Variants in RP1 observed in about 807,000 individuals in gnomAD.
RP1 encodes the protein oxygen-regulated protein 1.
A neutral mutation model predicts 14.8 loss-of-function variants in RP1; 16 were observed. The observed-to-expected ratio is 1.08, with a 90% CI of 0.73 to 1.65. The LOEUF is 1.65. Among genes scored for constraint, RP1 ranks in the 40% most tolerant of loss-of-function variants. The pLI, the probability that RP1 is intolerant of heterozygous loss-of-function variation, is 0.00. For synonymous variants in RP1, 876 were observed against 883.6 expected (o/e 0.99, Z 0.15); for missense variants, 2,631 against 2,535.0 (o/e 1.04, Z -0.81).
intron 22 of RP1, among the ~76,000 whole-genome samples, chr8:54,761,219 C>T (rs1467966619): frequency 6.9e-6 from 1 of 145,536 alleles, no homozygotes; most frequent in African/African-American, 2.5e-5. Flanking sequence ...CCCATCATTT[C>T]TTGCGCTACC....
At chr8:54,834,040 A>G (rs1326670153) in intron 24 of RP1, among the ~76,000 whole-genome samples, 1 of 152,238 alleles carries the variant, frequency 6.6e-6, no homozygotes, top group East Asian at 1.9e-4. Context: ...GGGTAAAGAA[A>G]AGAAAGACAG....
At chr8:54,804,807 A>C (rs775562777) in intron 24 of RP1, among the ~76,000 whole-genome samples, 1 of 152,234 alleles carries the variant, frequency 6.6e-6, no homozygotes, top group Non-Finnish European at 1.5e-5. Flanking sequence ...ATGACTCTTA[A>C]TTCAGGACAG....
At position 54,626,934 on chromosome 8, in the gene RP1, G is replaced by C; in HGVS notation, c.3052G>C (p.Val1018Leu). ...QVGSLNDAYL[V>L]PLHEHCTLSQ... Reference sequence around the variant, plus strand: ...TGGATCTCTGAATGATGCTTATTTGGTTCCCCTGCATGAACACTGTACTTT... The same window carrying C: ...TGGATCTCTGAATGATGCTTATTTGCTTCCCCTGCATGAACACTGTACTTT... Residue 1018 changes from valine to leucine, a missense_variant, in exon 4 of 4, where the codon GTT becomes CTT. Physicochemically the swap from Val to Leu is conservative, Grantham distance 32. Transcript: ENST00000220676. The C allele has an allele frequency of 6.2e-7, 1 of 1,613,864 alleles. No homozygotes were observed. Among genetic ancestry groups the C allele is most frequent in the Non-Finnish European group, 8.5e-7 (1 of 1,179,962 alleles).
rs766709333 is a variant in RP1, at chr8:54,628,131, C to G, written c.4249C>G (p.Leu1417Val). Residue 1417 changes from leucine to valine, a missense_variant, in exon 4 of 4, where the codon CTA (leucine) becomes GTA (valine). Physicochemically the swap from Leu to Val is conservative, Grantham distance 32. Transcript: ENST00000220676. The stretch of plus-strand genomic sequence containing the variant: ...AGAACTTGATAAGAAACATAGTTCT[C>G]TAGATGATTTTGAAAATTGTTCACT... ...EAELDKKHSSLDDFENCSLRK... is the reference protein window; with the variant it reads ...EAELDKKHSSVDDFENCSLRK... The G allele has an allele frequency of 4.3e-5, 69 of 1,613,804 alleles. No homozygotes were observed. In the East Asian group the frequency reaches 1.5e-3, roughly 36 times the overall value.
At chr8:54,722,699 CTT>C (rs1350184684) in intron 16 of RP1, among the ~76,000 whole-genome samples, 1 of 151,866 alleles carries the variant, frequency 6.6e-6, no homozygotes, top group Non-Finnish European at 1.5e-5. Context: ...TCAGCTTAAA[CTT>C]TTCCTCATAG....
At chr8:54,782,981 G>C (rs1553764) in intron 23 of RP1, among the ~76,000 whole-genome samples, 118,974 of 151,982 alleles carry the variant, frequency 0.78, 47,259 homozygotes, top group African/African-American at 0.92. Context: ...ACCTATTTAT[G>C]CAGTACAGCA....
Position 54,625,748 on chromosome 8 carries a change from T to C in RP1, c.1866T>C (p.Thr622=). Residue 622 remains threonine, a synonymous_variant, in exon 4 of 4, where the codon ACT becomes ACC. Coordinates refer to ENST00000220676, the MANE Select transcript of RP1 (RefSeq NM_006269.2). Reference sequence around the variant, plus strand: ...ATTTTTCAAGTAATAACTCTGGAACTGACAAAAATATTTCTGAGGCTCCAG... The same window carrying C: ...ATTTTTCAAGTAATAACTCTGGAACCGACAAAAATATTTCTGAGGCTCCAG... ...ATHFSSNNSG[T]DKNISEAPAS... 3 of 1,613,886 alleles carry C rather than the reference T, an allele frequency of 1.9e-6. No homozygotes were observed. The highest frequency in any genetic ancestry group is 2.5e-6 in the Non-Finnish European group (3 of 1,179,984).
chr8:54,794,718 T>C (rs769601288), intron 24 of RP1, among the ~76,000 whole-genome samples: 1 of 151,744 alleles, frequency 6.6e-6, no homozygotes, highest in African/African-American at 2.4e-5. Flanking sequence ...CAAGCAAAAA[T>C]ACACAAACGG....
intron 19 of RP1, chr8:54,739,171 T>A (rs1289628800): frequency 1.9e-5 from 9 of 468,334 alleles, no homozygotes; most frequent in Non-Finnish European, 3.3e-5. Flanking sequence ...TGTAAACTCA[T>A]GGTAAATAAA....
chr8:54,664,112 G>T (rs1182562741), intron 7 of RP1, among the ~76,000 whole-genome samples: 5 of 152,082 alleles, frequency 3.3e-5, no homozygotes, highest in Non-Finnish European at 5.9e-5. Flanking sequence ...ATTTACTTCA[G>T]ATACCTCATG....
chr8:54,739,510 A>G (rs927058147), intron 19 of RP1, among the ~76,000 whole-genome samples: 1 of 152,182 alleles, frequency 6.6e-6, no homozygotes, highest in African/African-American at 2.4e-5. Flanking sequence ...TTTTAATAGC[A>G]TATTTATGGT....
chr8:54,690,478 A>C (rs1335440111), intron 12 of RP1, among the ~76,000 whole-genome samples: 1 of 151,990 alleles, frequency 6.6e-6, no homozygotes, highest in African/African-American at 2.4e-5. Context: ...CCTTTGTTTT[A>C]GATTGGAAAT....
chr8:54,665,947 G>A (rs1807007492), intron 7 of RP1, among the ~76,000 whole-genome samples: 1 of 152,052 alleles, frequency 6.6e-6, no homozygotes, highest in South Asian at 2.1e-4. Flanking sequence ...CATGAAGCCA[G>A]GAGAAAGCTG....
intron 24 of RP1, among the ~76,000 whole-genome samples, chr8:54,812,168 T>C (rs1563383619): frequency 6.6e-6 from 1 of 152,232 alleles, no homozygotes; most frequent in Non-Finnish European, 1.5e-5. Context: ...AGACACAGAA[T>C]CTCACTCTGT....
At chr8:54,743,088 C>T (rs1809138809) in intron 19 of RP1, among the ~76,000 whole-genome samples, 1 of 152,098 alleles carries the variant, frequency 6.6e-6, no homozygotes, top group African/African-American at 2.4e-5. Flanking sequence ...GGGACTTTTC[C>T]TACACCTTAC....
At chr8:54,835,778 C>T (rs1811641841) in intron 24 of RP1, among the ~76,000 whole-genome samples, 1 of 152,100 alleles carries the variant, frequency 6.6e-6, no homozygotes, top group African/African-American at 2.4e-5. Flanking sequence ...ATATCAAAAC[C>T]TGAGGTTCCA....
At chr8:54,781,966 C>G (rs1317650306) in intron 23 of RP1, among the ~76,000 whole-genome samples, 1 of 152,096 alleles carries the variant, frequency 6.6e-6, no homozygotes, top group Non-Finnish European at 1.5e-5. Flanking sequence ...CAAACTTATT[C>G]CCGTCCCTCC....
At chr8:54,580,143 C>T (rs1804750506) in intron 1 of RP1, among the ~76,000 whole-genome samples, 1 of 23,912 alleles carries the variant, frequency 4.2e-5, no homozygotes, top group South Asian at 2.5e-3. Context: ...GTTTCCTTAT[C>T]TGTAGAATGA....
chr8:54,722,436 A>G (rs1563357776), intron 16 of RP1, among the ~76,000 whole-genome samples: 1 of 151,946 alleles, frequency 6.6e-6, no homozygotes, highest in East Asian at 1.9e-4. Context: ...GCGCCCAGCT[A>G]ATTTTTTGTA....
Sources: gnomAD v4.1 joint callset for allele counts (sites outside exome capture counted in the v4.1 genomes callset) on GRCh38, gnomAD v4.1.1 for gene constraint, MANE v1.5 for transcripts, NCBI Gene and HGNC (gene_info 2026-07-23, HGNC 2026-07-21) for gene names.